USH2A: variants seen among roughly 807,000 people sequenced by gnomAD.
The protein encoded by USH2A is Usher syndrome 2A (autosomal recessive, mild).
In USH2A, 443 loss-of-function variants were observed where a neutral mutation model predicts 538.9. The observed-to-expected ratio is 0.82, with a 90% CI of 0.76 to 0.89. USH2A has a LOEUF of 0.89. USH2A is among the 40% of genes least tolerant of loss of function. The pLI, the probability that USH2A is intolerant of heterozygous loss-of-function variation, is 0.00. For synonymous variants in USH2A, 2,413 were observed against 2,273.5 expected (o/e 1.06, Z -1.75); for missense variants, 6,633 against 6,324.8 (o/e 1.05, Z -1.65).
chr1:216,262,305 T>C lies in USH2A; in HGVS notation c.1972-11207A>G, dbSNP rs138341215. Among the ~76,000 whole-genome samples the C allele has an allele frequency of 4.2e-3, 638 of 151,700 alleles. 3 individuals are homozygous for C. The highest frequency in any genetic ancestry group is 6.8e-3 in the Non-Finnish European group (459 of 67,924). ...TCAGCAAGATAGAAGAAAATACAGATATGCAACTGAAAAAAATCAGGAAAA... is the reference window on the plus strand; with the variant it reads ...TCAGCAAGATAGAAGAAAATACAGACATGCAACTGAAAAAAATCAGGAAAA... On this transcript the variant is annotated intron_variant, in intron 11 of 71. Coordinates refer to ENST00000307340, the MANE Select transcript of USH2A (RefSeq NM_206933.4).
intron 3 of USH2A, among the ~76,000 whole-genome samples, chr1:216,376,642 A>G (rs1217177615): frequency 6.6e-6 from 1 of 152,206 alleles, no homozygotes; most frequent in East Asian, 1.9e-4. Flanking sequence ...CTGAAGGAAA[A>G]TAATGAAAAT....
chr1:216,251,725 T>A (rs577310162), intron 11 of USH2A, among the ~76,000 whole-genome samples: 73 of 152,156 alleles, frequency 4.8e-4, no homozygotes, highest in African/African-American at 1.7e-3. Flanking sequence ...CAGGCGTGAA[T>A]CACTGCACCC....
chr1:216,280,717 T>C (rs1442528404), intron 11 of USH2A, among the ~76,000 whole-genome samples: 1 of 152,144 alleles, frequency 6.6e-6, no homozygotes, highest in Admixed American at 6.6e-5. Flanking sequence ...CAACATTTCT[T>C]ATGGAAGAAT....
At chr1:215,753,826 TA>T (rs202122021) in intron 58 of USH2A, among the ~76,000 whole-genome samples, 52 of 151,442 alleles carry the variant, frequency 3.4e-4, no homozygotes, top group African/African-American at 9.7e-4. Flanking sequence ...GAAAAAAAAT[TA>T]AAAAAAAATA....
intron 21 of USH2A, among the ~76,000 whole-genome samples, chr1:216,119,623 ATT>A (rs537874627): frequency 6.6e-6 from 1 of 151,698 alleles, no homozygotes; most frequent in African/African-American, 2.4e-5. Flanking sequence ...ATATAAATAT[ATT>A]TTTTTATTTT....
chr1:215,831,903 G>T (rs1663329289), intron 47 of USH2A, among the ~76,000 whole-genome samples: 1 of 151,884 alleles, frequency 6.6e-6, no homozygotes, highest in Admixed American at 6.6e-5. Context: ...CTACAAAATT[G>T]ATAAAACTCT....
chr1:216,186,979 T>G (rs1572030370), intron 20 of USH2A, among the ~76,000 whole-genome samples: 1 of 152,014 alleles, frequency 6.6e-6, no homozygotes, highest in Non-Finnish European at 1.5e-5. Context: ...TCTTCTAATC[T>G]ATTGTGTACT....
At chr1:216,043,569 T>C (rs2102522273) in intron 32 of USH2A, among the ~76,000 whole-genome samples, 1 of 152,300 alleles carries the variant, frequency 6.6e-6, no homozygotes, top group South Asian at 2.1e-4. Flanking sequence ...TTGGGGCTTC[T>C]ATTGTAATAA....
At position 215,766,716 on chromosome 1, in the gene USH2A, G is replaced by C. The variant is rs1238814587; in HGVS notation, c.11012C>G (p.Pro3671Arg). The change falls in exon 56 of 72, where the codon CCT becomes CGT. Residue 3671 changes from proline (P) to arginine (R), a missense_variant. Coordinates refer to ENST00000307340, the MANE Select transcript of USH2A (RefSeq NM_206933.4). Reference protein sequence around the residue: ...CTSAGCTSSEPFLGQTLQAAP... With the variant: ...CTSAGCTSSERFLGQTLQAAP... The stretch of plus-strand genomic sequence containing the variant: ...TGCCTGCAGTGTCTGACCTAGAAAA[G>C]GCTCGCTTGAAGTGCACCCAGCAGA... 1.2e-6 allele frequency: 2 copies of C among 1,613,654 alleles called. No individual in the cohort carries two copies. Among genetic ancestry groups the C allele is most frequent in the Non-Finnish European group, 1.7e-6 (2 of 1,179,662 alleles).
At chr1:215,915,292 T>C (rs575681073) in intron 38 of USH2A, among the ~76,000 whole-genome samples, 2 of 152,178 alleles carry the variant, frequency 1.3e-5, no homozygotes, top group East Asian at 1.9e-4. Context: ...AAAAGGTAGC[T>C]AGCCTCCTTT....
At chr1:215,934,948 C>T (rs1404123376) in intron 37 of USH2A, among the ~76,000 whole-genome samples, 153 bp from the exon 38 acceptor site, 1 of 151,990 alleles carries the variant, frequency 6.6e-6, no homozygotes, top group Non-Finnish European at 1.5e-5. Context: ...TCTATCAATG[C>T]ACATATTTGG....
At chr1:215,968,610 C>T (rs539447420) in intron 36 of USH2A, among the ~76,000 whole-genome samples, 13 of 151,984 alleles carry the variant, frequency 8.6e-5, no homozygotes, top group African/African-American at 3.1e-4. Flanking sequence ...AAGCATATTC[C>T]TCATAGAAAA....
intron 63 of USH2A, among the ~76,000 whole-genome samples, chr1:215,671,948 C>T (rs1466218433): frequency 1.3e-5 from 2 of 152,136 alleles, no homozygotes; most frequent in African/African-American, 4.8e-5. Context: ...AACAGCCTCC[C>T]TTACATGATA....
chr1:216,284,107 A>T (rs2036837176), intron 11 of USH2A, among the ~76,000 whole-genome samples: 1 of 152,152 alleles, frequency 6.6e-6, no homozygotes, highest in African/African-American at 2.4e-5. Context: ...ATATACATAT[A>T]TACACACATA....
chr1:215,667,453 C>T (rs1657643233), intron 64 of USH2A, among the ~76,000 whole-genome samples: 1 of 152,164 alleles, frequency 6.6e-6, no homozygotes, highest in South Asian at 2.1e-4. Flanking sequence ...TCATCCATCA[C>T]TTTAGGAGGC....
intron 43 of USH2A, among the ~76,000 whole-genome samples, chr1:215,876,508 C>G (rs928999279): frequency 1.8e-4 from 28 of 152,268 alleles, no homozygotes; most frequent in African/African-American, 4.8e-4. Flanking sequence ...AGGTGTAGGG[C>G]ACTATGTGCT....
chr1:215,816,587 C>T (rs981954640), intron 48 of USH2A, among the ~76,000 whole-genome samples: 4 of 151,954 alleles, frequency 2.6e-5, no homozygotes, highest in East Asian at 1.9e-4. Flanking sequence ...TTCTAAACCG[C>T]ATCTAATATG....
intron 9 of USH2A, among the ~76,000 whole-genome samples, chr1:216,294,868 TTC>T (rs1250847174): frequency 4.6e-4 from 70 of 152,040 alleles, no homozygotes; most frequent in Admixed American, 7.9e-4. Flanking sequence ...GAGAAAATTA[TTC>T]ATTTTTCTTT....
chr1:216,112,760 CTA>C (rs1001954808), intron 21 of USH2A, among the ~76,000 whole-genome samples: 1 of 151,766 alleles, frequency 6.6e-6, no homozygotes, highest in African/African-American at 2.4e-5. Flanking sequence ...GCCTCCAGCT[CTA>C]TGTTCCTGCA....
Sources: gnomAD v4.1 joint callset for allele counts (sites outside exome capture counted in the v4.1 genomes callset) on GRCh38, gnomAD v4.1.1 for gene constraint, MANE v1.5 for transcripts, NCBI Gene and HGNC (gene_info 2026-07-23, HGNC 2026-07-21) for gene names.